Variants in SPIDR observed in about 807,000 individuals in gnomAD.
SPIDR encodes the protein scaffold protein involved in DNA repair.
In SPIDR, 93 loss-of-function variants were observed where a neutral mutation model predicts 104.6. The ratio of observed to expected loss-of-function variants is 0.89; its 90% CI spans 0.75 to 1.06. The LOEUF (loss-of-function observed/expected upper bound fraction) is 1.06, where lower values mean the gene tolerates loss of function less well. Among genes scored for constraint, SPIDR ranks in the 50% least tolerant of loss-of-function variants. The probability of loss-of-function intolerance (pLI) is 0.00; values close to 1 mark genes in which losing one functional copy is unlikely to be tolerated. For synonymous variants in SPIDR, 431 were observed against 416.9 expected (o/e 1.03, Z -0.41); for missense variants, 1,154 against 1,111.2 (o/e 1.04, Z -0.55).
intron 16 of SPIDR, among the ~76,000 whole-genome samples, chr8:47,723,948 A>G (rs2083823886): frequency 6.6e-6 from 1 of 151,342 alleles, no homozygotes; most frequent in South Asian, 2.2e-4. Flanking sequence ...CATTGATTAC[A>G]TTATCATTAT....
chr8:47,684,988 G>C (rs137921745), intron 11 of SPIDR, among the ~76,000 whole-genome samples: 1 of 152,228 alleles, frequency 6.6e-6, no homozygotes, highest in Non-Finnish European at 1.5e-5. Context: ...AGAGGCTGAG[G>C]CAGGTGGATC....
intron 8 of SPIDR, among the ~76,000 whole-genome samples, chr8:47,553,885 A>G (rs554949045): frequency 9.1e-4 from 138 of 152,198 alleles, no homozygotes; most frequent in Non-Finnish European, 9.9e-4. Context: ...TTGTGGTTTT[A>G]ACTACTTTGG....
intron 1 of SPIDR, among the ~76,000 whole-genome samples, chr8:47,278,096 C>T (rs904427812): frequency 2.9e-5 from 4 of 137,266 alleles, no homozygotes; most frequent in African/African-American, 5.4e-5. Context: ...TTTTCTTTCT[C>T]TTTTTTTTTT....
chr8:47,624,966 A>G (rs2065813780), intron 10 of SPIDR, among the ~76,000 whole-genome samples: 1 of 152,238 alleles, frequency 6.6e-6, no homozygotes, highest in Non-Finnish European at 1.5e-5. Flanking sequence ...GTCCTTGATG[A>G]ACATTGATGC....
chr8:47,672,630 C>G (rs1200750789), intron 10 of SPIDR, among the ~76,000 whole-genome samples: 1 of 152,106 alleles, frequency 6.6e-6, no homozygotes, highest in Non-Finnish European at 1.5e-5. Context: ...TATGTAGTTT[C>G]TTGTCTCCTA....
intron 7 of SPIDR, among the ~76,000 whole-genome samples, chr8:47,422,404 G>A (rs1363549965): frequency 5.3e-5 from 8 of 152,170 alleles, no homozygotes; most frequent in African/African-American, 1.4e-4. Flanking sequence ...AGGACCCTCC[G>A]AGCCACGTGC....
At chr8:47,399,152 T>C (rs1161443009) in intron 6 of SPIDR, among the ~76,000 whole-genome samples, 2 of 152,208 alleles carry the variant, frequency 1.3e-5, no homozygotes, top group African/African-American at 4.8e-5. Flanking sequence ...AATTTCATCA[T>C]GTTTGTATGT....
chr8:47,453,316 C>T (rs1262175402), intron 8 of SPIDR, among the ~76,000 whole-genome samples: 2 of 152,110 alleles, frequency 1.3e-5, no homozygotes, highest in Admixed American at 1.3e-4. Flanking sequence ...GATTTAATGC[C>T]ACCCTCATCG....
chr8:47,284,587 G>A (rs911973835), intron 3 of SPIDR, among the ~76,000 whole-genome samples: 14 of 152,178 alleles, frequency 9.2e-5, no homozygotes, highest in Non-Finnish European at 2.9e-5. Context: ...GTCTCCTGCA[G>A]CAGGACATCC....
chr8:47,462,476 C>CG (rs2074105059), intron 8 of SPIDR, among the ~76,000 whole-genome samples: 1 of 152,068 alleles, frequency 6.6e-6, no homozygotes, highest in Admixed American at 6.6e-5. Context: ...GTCCTGCCTC[C>CG]TGTCTATCAT....
rs551073592 is a variant in SPIDR, at chr8:47,421,995, T to C, written c.877+14034T>C. 3.9e-4 allele frequency among the ~76,000 whole-genome samples: 59 copies of C among 152,318 alleles called. No homozygotes were observed. In the East Asian group the frequency reaches 8.9e-3, roughly 23 times the overall value. ...GTTTTGTCTCAGAGGAGTACCTGGC[T>C]GTGTGAGGTGTCAGTCTGCCCCTAC... is the stretch of plus-strand genomic sequence containing the variant. On this transcript the variant is annotated intron_variant, in intron 7 of 19. Transcript: ENST00000297423.
chr8:47,500,436 G>C (rs1386150228), intron 8 of SPIDR, among the ~76,000 whole-genome samples: 1 of 152,172 alleles, frequency 6.6e-6, no homozygotes, highest in Non-Finnish European at 1.5e-5. Flanking sequence ...CTGCATAAAT[G>C]TCTTCTTTTG....
At chr8:47,504,061 G>A (rs1230472721) in intron 8 of SPIDR, among the ~76,000 whole-genome samples, 1 of 152,144 alleles carries the variant, frequency 6.6e-6, no homozygotes, top group Non-Finnish European at 1.5e-5. Context: ...TCTGGGTGCT[G>A]TTAACGTTTT....
At chr8:47,676,929 A>G (rs1453538210) in intron 11 of SPIDR, among the ~76,000 whole-genome samples, 1 of 152,228 alleles carries the variant, frequency 6.6e-6, no homozygotes, top group African/African-American at 2.4e-5. Flanking sequence ...AAACAGCATC[A>G]TAGCTTTTGT....
At chr8:47,493,307 G>A (rs531543939) in intron 8 of SPIDR, among the ~76,000 whole-genome samples, 12 of 152,084 alleles carry the variant, frequency 7.9e-5, no homozygotes, top group Non-Finnish European at 1.8e-4. Flanking sequence ...TGTTATTATC[G>A]TTAAACCTGC....
intron 5 of SPIDR, among the ~76,000 whole-genome samples, chr8:47,347,426 G>A (rs1421066411): frequency 3.3e-5 from 5 of 152,182 alleles, no homozygotes; most frequent in Non-Finnish European, 7.3e-5. Context: ...ATTTTCTGTT[G>A]ATTTTGGGTG....
intron 8 of SPIDR, among the ~76,000 whole-genome samples, chr8:47,457,183 C>G (rs1215348699): frequency 6.6e-6 from 1 of 152,172 alleles, no homozygotes; most frequent in East Asian, 1.9e-4. Context: ...AATCTCCACA[C>G]TGTTTTCCAT....
chr8:47,460,768 T>G (rs2073809229), intron 8 of SPIDR, among the ~76,000 whole-genome samples: 1 of 152,248 alleles, frequency 6.6e-6, no homozygotes, highest in Non-Finnish European at 1.5e-5. Context: ...AGACTTATGC[T>G]TTAAAGAGGT....
chr8:47,695,390 T>G (rs750116639), intron 11 of SPIDR, among the ~76,000 whole-genome samples: 1 of 151,760 alleles, frequency 6.6e-6, no homozygotes, highest in Non-Finnish European at 1.5e-5. Flanking sequence ...AAAAAAAAAA[T>G]GATTCCAAGC....
Sources: allele counts gnomAD v4.1 joint callset (sites outside exome capture counted in the v4.1 genomes callset), GRCh38; gene constraint gnomAD v4.1.1; transcripts MANE v1.5; gene names NCBI Gene and HGNC (gene_info 2026-07-23, HGNC 2026-07-21).